The following MROH9 variants were observed in gnomAD, a reference collection of about 807,000 sequenced individuals.
The protein encoded by MROH9 is maestro heat like repeat family member 9.
A neutral mutation model predicts 98.2 loss-of-function variants in MROH9; 92 were observed. That is an observed-to-expected ratio of 0.94 (90% CI 0.79 to 1.11). MROH9 has a LOEUF of 1.11. Ranked by LOEUF, MROH9 falls within the 50% of genes most tolerant of loss-of-function variation. The pLI, the probability that MROH9 is intolerant of heterozygous loss-of-function variation, is 0.00. For missense variants in MROH9, 1,057 were observed against 1,014.8 expected (o/e 1.04, Z -0.57); for synonymous variants, 397 against 368.9 (o/e 1.08, Z -0.87).
chr1:171,017,301 G>A (rs1039938924), intron 17 of MROH9, among the ~76,000 whole-genome samples: 1 of 152,220 alleles, frequency 6.6e-6, no homozygotes, highest in Admixed American at 6.5e-5. Context: ...TGGAGAGGAA[G>A]GCAGAGCAGT....
chr1:171,018,463 C>T (rs987000481), intron 17 of MROH9, among the ~76,000 whole-genome samples: 5 of 152,078 alleles, frequency 3.3e-5, no homozygotes, highest in Admixed American at 1.3e-4. Flanking sequence ...AACAAAACAA[C>T]GCTGAAGGCC....
intron 13 of MROH9, 80 bp from the exon 14 acceptor site, chr1:170,996,427 G>A: frequency 1.3e-6 from 2 of 1,502,464 alleles, no homozygotes; most frequent in East Asian, 4.6e-5. Context: ...CCCAAGATGG[G>A]ATTAAAAGGC....
chr1:170,965,262 C>A lies in MROH9; in HGVS notation c.480+7C>A. On this transcript the variant is annotated splice_region_variant and intron_variant, in intron 7 of 21. Transcript: ENST00000367759. The stretch of plus-strand genomic sequence containing the variant: ...CACAAAAGTCAGAAAATACGTAAGT[C>A]ACAGAATATAACAATGCCACCTGAT... 6.4e-7 allele frequency: 1 copy of A among 1,568,960 alleles called. No homozygotes were observed. The highest frequency in any genetic ancestry group is 8.8e-7 in the Non-Finnish European group (1 of 1,139,662).
intron 7 of MROH9, among the ~76,000 whole-genome samples, chr1:170,966,385 G>C (rs1199150068): frequency 6.6e-6 from 1 of 151,966 alleles, no homozygotes; most frequent in African/African-American, 2.4e-5. Flanking sequence ...TGTATATTCA[G>C]CCTCTGTTTC....
Position 170,956,505 on chromosome 1 carries a change from C to T in MROH9, c.73-1956C>T, listed in dbSNP as rs1259502235. On this transcript the variant is annotated intron_variant, in intron 3 of 21. Transcript: ENST00000367759. ...TATGATTTATTTCAGCAGTGTTTTG[C>T]AGTTTTTCTTGCAGAGGTCTTTTGA... is the stretch of plus-strand genomic sequence containing the variant. Among the ~76,000 whole-genome samples, 3 of 150,114 alleles carry T rather than the reference C, an allele frequency of 2.0e-5. No individual in the cohort carries two copies. The East Asian group carries it at 5.8e-4, about 29-fold the overall frequency.
intron 21 of MROH9, 128 bp downstream of exon 21, chr1:171,062,322 G>T: frequency 1.6e-6 from 1 of 638,914 alleles, no homozygotes; most frequent in Non-Finnish European, 2.7e-6. Context: ...GGTAGTAGTA[G>T]TTGGATAATT....
At chr1:170,939,574 G>A (rs1409167771) in intron 1 of MROH9, among the ~76,000 whole-genome samples, 1 of 152,218 alleles carries the variant, frequency 6.6e-6, no homozygotes, top group East Asian at 1.9e-4. Context: ...GTAGTAGGAG[G>A]AAGGATCACT....
chr1:171,007,721 A>G lies in MROH9; in HGVS notation c.1597-6396A>G, dbSNP rs1652012363. Among the ~76,000 whole-genome samples, 3 of 152,276 alleles carry G rather than the reference A, an allele frequency of 2.0e-5. No homozygotes were observed. In the South Asian group the frequency reaches 6.2e-4, roughly 32 times the overall value. ...CAGGAAGGCTCTCAGGCCACTGCTG[A>G]GAAGAGATAGAGGTGAGTTACAGGG... is the stretch of plus-strand genomic sequence containing the variant. On this transcript the variant is annotated intron_variant, in intron 15 of 21. Transcript: ENST00000367759.
Position 171,022,449 on chromosome 1 carries a change from G to C in MROH9, c.1909-1946G>C, listed in dbSNP as rs140788495. 7.3e-3 allele frequency among the ~76,000 whole-genome samples: 1,104 copies of C among 152,202 alleles called. 9 individuals are homozygous for C. The highest frequency in any genetic ancestry group is 0.012 in the Non-Finnish European group (833 of 68,008). The stretch of plus-strand genomic sequence containing the variant: ...GGAATGAAGATTATGTGCTTTGCAG[G>C]GACATGGATGAAGCTGGAAGCCATC... On this transcript the variant is annotated intron_variant, in intron 17 of 21. Transcript: ENST00000367759.
chr1:171,004,902 G>A (rs1651905133), intron 15 of MROH9, among the ~76,000 whole-genome samples: 1 of 152,078 alleles, frequency 6.6e-6, no homozygotes, highest in South Asian at 2.1e-4. Flanking sequence ...TTGAAATCAG[G>A]AAGTGTAATA....
intron 9 of MROH9, among the ~76,000 whole-genome samples, chr1:170,984,944 G>A (rs28421724): frequency 0.35 from 52,867 of 151,524 alleles, 9,338 homozygotes; most frequent in Middle Eastern, 0.47. Context: ...ATGCAAATAG[G>A]GGCAGAAGCA....
At chr1:170,944,230 A>C (rs970523722) in intron 1 of MROH9, among the ~76,000 whole-genome samples, 3 of 151,948 alleles carry the variant, frequency 2.0e-5, no homozygotes, top group African/African-American at 7.2e-5. Context: ...GTTCTGTCTA[A>C]AGTTTTGAGG....
intron 20 of MROH9, among the ~76,000 whole-genome samples, chr1:171,040,754 T>C (rs1342058171): frequency 6.6e-6 from 1 of 152,086 alleles, no homozygotes; most frequent in Non-Finnish European, 1.5e-5. Flanking sequence ...CAGGAGAGTG[T>C]CTAGCATATG....
intron 20 of MROH9, among the ~76,000 whole-genome samples, chr1:171,034,151 A>G (rs1029339163): frequency 2.6e-5 from 4 of 152,084 alleles, no homozygotes; most frequent in Non-Finnish European, 4.4e-5. Context: ...TTCAACTATA[A>G]AATATAGAAT....
intron 20 of MROH9, among the ~76,000 whole-genome samples, chr1:171,038,197 C>T (rs1020585387): frequency 6.6e-6 from 1 of 151,858 alleles, no homozygotes; most frequent in African/African-American, 2.4e-5. Context: ...CTTTACTAAC[C>T]CATGAGAAAA....
intron 8 of MROH9, among the ~76,000 whole-genome samples, chr1:170,972,503 C>G (rs935512923): frequency 5.3e-5 from 8 of 152,114 alleles, no homozygotes; most frequent in Admixed American, 5.2e-4. Context: ...CTATAGTAAG[C>G]AACCTTAAAA....
At chr1:170,956,628 G>T (rs1423841758) in intron 3 of MROH9, among the ~76,000 whole-genome samples, 3 of 146,432 alleles carry the variant, frequency 2.0e-5, no homozygotes, top group African/African-American at 7.7e-5. Flanking sequence ...TTGTAAAAGG[G>T]GTTGAGTTCT....
chr1:171,042,744 G>C (rs1196109646), intron 20 of MROH9, among the ~76,000 whole-genome samples: 1 of 152,100 alleles, frequency 6.6e-6, no homozygotes, highest in Non-Finnish European at 1.5e-5. Flanking sequence ...CAGTGATGTT[G>C]AACATCTTTT....
intron 15 of MROH9, among the ~76,000 whole-genome samples, chr1:171,005,732 C>T (rs1254329042): frequency 6.6e-6 from 1 of 152,074 alleles, no homozygotes; most frequent in Non-Finnish European, 1.5e-5. Flanking sequence ...GAACATTTTA[C>T]TTCTTCCTTT....
Sources: allele counts gnomAD v4.1 joint callset (sites outside exome capture counted in the v4.1 genomes callset), GRCh38; gene constraint gnomAD v4.1.1; transcripts MANE v1.5; gene names NCBI Gene and HGNC (gene_info 2026-07-23, HGNC 2026-07-21).